SDK1: variants seen among roughly 807,000 people sequenced by gnomAD.
SDK1 encodes the protein protein sidekick-1.
In SDK1, 157 loss-of-function variants were observed where a neutral mutation model predicts 245.5. The observed-to-expected ratio is 0.64, with a 90% CI of 0.56 to 0.73. SDK1 has a LOEUF of 0.73. SDK1 is among the 30% of genes least tolerant of loss of function. The pLI is 0.00. For missense variants in SDK1, 3,583 were observed against 3,002.3 expected (o/e 1.19, Z -4.52); for synonymous variants, 1,647 against 1,278.5 (o/e 1.29, Z -6.15).
At chr7:4,025,282 C>T (rs778344414) in intron 17 of SDK1, among the ~76,000 whole-genome samples, 8 of 152,190 alleles carry the variant, frequency 5.3e-5, no homozygotes, top group South Asian at 2.1e-4. Context: ...AAAAAGCTTC[C>T]GCCGAACAGA....
intron 9 of SDK1, among the ~76,000 whole-genome samples, chr7:3,963,960 G>C (rs1393250965): frequency 2.6e-5 from 4 of 152,180 alleles, no homozygotes; most frequent in Non-Finnish European, 2.9e-5. Context: ...CGGCTACCCA[G>C]ATGTATCCAG....
At chr7:3,549,899 A>G (rs1779345791) in intron 1 of SDK1, among the ~76,000 whole-genome samples, 1 of 151,354 alleles carries the variant, frequency 6.6e-6, no homozygotes, top group African/African-American at 2.4e-5. Context: ...GCCAGAAAGG[A>G]AAAAAAAACC....
chr7:3,651,636 C>T lies in SDK1; in HGVS notation c.713+9531C>T, dbSNP rs146152062. On this transcript the variant is annotated intron_variant, in intron 4 of 44. Coordinates refer to ENST00000404826, the MANE Select transcript of SDK1 (RefSeq NM_152744.4). ...TACTATGCAGAGACCAATGCTATGA[C>T]GTTTCCTAAGATGATGACTCTTCAC... Among the ~76,000 whole-genome samples the T allele has an allele frequency of 3.8e-3, 573 of 151,634 alleles. 6 individuals are homozygous for T. Among genetic ancestry groups the T allele is most frequent in the African/African-American group, 0.013 (520 of 40,942 alleles).
At chr7:3,514,525 C>T (rs138938275) in intron 1 of SDK1, among the ~76,000 whole-genome samples, 22 of 152,222 alleles carry the variant, frequency 1.4e-4, no homozygotes, top group African/African-American at 5.3e-4. Context: ...AGGACTTGGG[C>T]GTCTTTGTCA....
intron 1 of SDK1, among the ~76,000 whole-genome samples, chr7:3,415,534 A>G (rs1422490774): frequency 2.6e-5 from 4 of 152,068 alleles, no homozygotes; most frequent in Non-Finnish European, 4.4e-5. Context: ...ATGTAAGTTA[A>G]GAAAACCACA....
intron 23 of SDK1, among the ~76,000 whole-genome samples, chr7:4,111,322 G>A (rs1783328886): frequency 6.6e-6 from 1 of 152,138 alleles, no homozygotes; most frequent in African/African-American, 2.4e-5. Context: ...TTAGTACTGT[G>A]ATCACTTCCC....
chr7:3,568,197 ATTTAATATGTAG>A (rs986125657), intron 1 of SDK1, among the ~76,000 whole-genome samples: 43 of 152,348 alleles, frequency 2.8e-4, no homozygotes, highest in Admixed American at 7.8e-4. Context: ...GGATAAATGC[ATTTAATATGTAG>A]TTTAATATGC....
chr7:4,135,438 G>A (rs997795963), intron 28 of SDK1, among the ~76,000 whole-genome samples: 7 of 152,188 alleles, frequency 4.6e-5, no homozygotes, highest in African/African-American at 1.2e-4. Context: ...AAGGAGAAAC[G>A]TACAAGGATG....
At chr7:3,626,777 A>C (rs1378660821) in intron 2 of SDK1, among the ~76,000 whole-genome samples, 1 of 152,184 alleles carries the variant, frequency 6.6e-6, no homozygotes, top group Non-Finnish European at 1.5e-5. Context: ...AGGATGAATT[A>C]GAGTCAAATT....
Position 4,074,903 on chromosome 7 carries a change from TATATATATA to T in SDK1, c.3011-2094_3011-2086del, listed in dbSNP as rs1261219352. Among the ~76,000 whole-genome samples, 54 of 85,452 alleles carry T rather than the reference TATATATATA, an allele frequency of 6.3e-4. 3 individuals are homozygous for T. The highest frequency in any genetic ancestry group is 3.3e-3 in the African/African-American group (46 of 13,822). The allele number at this position is 85,452 out of a possible 152,430, so 56.1% of individuals were successfully genotyped here. ...CTCTCTCTGTATATATATATATATA[TATATATATA>T]TATATTTTTTTTTTTTTTTAATAAA... On this transcript the variant is annotated intron_variant, in intron 20 of 44. Coordinates refer to ENST00000404826, the MANE Select transcript of SDK1 (RefSeq NM_152744.4).
intron 5 of SDK1, among the ~76,000 whole-genome samples, chr7:3,854,412 C>G (rs1780491194): frequency 6.6e-6 from 1 of 152,154 alleles, no homozygotes; most frequent in South Asian, 2.1e-4. Context: ...ACAGTAGATG[C>G]TTGCTAAATG....
intron 1 of SDK1, among the ~76,000 whole-genome samples, chr7:3,342,796 T>TA (rs745578039): frequency 5.3e-5 from 8 of 152,092 alleles, no homozygotes; most frequent in Non-Finnish European, 1.0e-4. Flanking sequence ...GCCAAGAGAC[T>TA]AATACCTAGA....
At chr7:3,357,326 G>GTTTTTTTTTTTTTTTTTTTTTTTTTT (rs1780826215) in intron 1 of SDK1, among the ~76,000 whole-genome samples, 3 of 50,102 alleles carry the variant, frequency 6.0e-5, no homozygotes, top group African/African-American at 1.3e-4. Context: ...CCTTCTTTTA[G>GTTTTTTTTTTTTTTTTTTTTTTTTTT]TGTTTTTTTT....
At chr7:3,992,910 A>G (rs1418594294) in intron 14 of SDK1, among the ~76,000 whole-genome samples, 1 of 152,240 alleles carries the variant, frequency 6.6e-6, no homozygotes, top group East Asian at 1.9e-4. Flanking sequence ...TAGAATATAA[A>G]TATGGCTATT....
intron 5 of SDK1, among the ~76,000 whole-genome samples, chr7:3,905,601 C>A (rs998185822): frequency 6.6e-6 from 1 of 151,866 alleles, no homozygotes; most frequent in African/African-American, 2.4e-5. Context: ...TTTCTTGTTT[C>A]TTTAGAATCA....
chr7:4,012,592 T>G (rs1041578712), intron 16 of SDK1, among the ~76,000 whole-genome samples: 4 of 126,322 alleles, frequency 3.2e-5, no homozygotes, highest in Non-Finnish European at 6.4e-5. Flanking sequence ...TTTTTTTTTT[T>G]GATGGAGTTT....
At chr7:3,898,339 G>C (rs1333681152) in intron 5 of SDK1, among the ~76,000 whole-genome samples, 1 of 152,174 alleles carries the variant, frequency 6.6e-6, no homozygotes, top group African/African-American at 2.4e-5. Flanking sequence ...AAAAAGCGCA[G>C]ACATGGGACA....
intron 1 of SDK1, among the ~76,000 whole-genome samples, chr7:3,609,481 A>G (rs184695914): frequency 6.6e-6 from 1 of 151,928 alleles, no homozygotes. Flanking sequence ...GCTCACTGCA[A>G]TCTCTGCTTC....
intron 1 of SDK1, among the ~76,000 whole-genome samples, chr7:3,445,442 T>C (rs1185405054): frequency 6.6e-6 from 1 of 152,202 alleles, no homozygotes; most frequent in Non-Finnish European, 1.5e-5. Flanking sequence ...GAGCAAATTA[T>C]CATCTTGAAT....
Sources: gnomAD v4.1 joint callset for allele counts (sites outside exome capture counted in the v4.1 genomes callset) on GRCh38, gnomAD v4.1.1 for gene constraint, MANE v1.5 for transcripts, NCBI Gene and HGNC (gene_info 2026-07-23, HGNC 2026-07-21) for gene names.